The following OTULIN variants were observed in gnomAD, a reference collection of about 807,000 sequenced individuals.
OTULIN encodes the protein ubiquitin thioesterase otulin.
A neutral mutation model predicts 39.6 loss-of-function variants in OTULIN; 15 were observed. The observed-to-expected ratio is 0.38, with a 90% CI of 0.25 to 0.58. The LOEUF is 0.58. Ranked by LOEUF, OTULIN falls within the 20% of genes least tolerant of loss-of-function variation. The probability of loss-of-function intolerance (pLI) is 0.66; values close to 1 mark genes in which losing one functional copy is unlikely to be tolerated. For synonymous variants in OTULIN, 156 were observed against 170.3 expected (o/e 0.92, Z 0.65); for missense variants, 319 against 445.9 (o/e 0.72, Z 2.56).
the OTULIN span, chr5:14,711,018 C>T: frequency 1.1e-4 from 70 of 656,244 alleles, no homozygotes; most frequent in Admixed American, 2.9e-4. Flanking sequence ...TAGGTCCCCC[C>T]GTCAGTGTGA....
rs75049386 is a variant in OTULIN at position 14,675,659 on chromosome 5, G to A, written c.229+1941G>A. Among the ~76,000 whole-genome samples the A allele has an allele frequency of 4.4e-3, 677 of 152,280 alleles. 2 individuals carry two copies. Among genetic ancestry groups the A allele is most frequent in the Non-Finnish European group, 6.2e-3 (422 of 68,028 alleles). On this transcript the variant is annotated intron_variant, in intron 2 of 6. Coordinates refer to ENST00000284274, the MANE Select transcript of OTULIN (RefSeq NM_138348.6). ...TTCTGTCTGGCATTGTACCCCACAC[G>A]GGCAATCAAGCTTTATGGTGGGTCT... is the stretch of plus-strand genomic sequence containing the variant.
At chr5:14,701,902 G>T (rs142603438), downstream of OTULIN, among the ~76,000 whole-genome samples, 3,272 of 152,324 alleles carry the variant, frequency 0.021, 69 homozygotes, top group Non-Finnish European at 0.03. Context: ...CATCAGGCCA[G>T]GGTTTCTAGA....
chr5:14,716,189 G>T, the OTULIN span, among the ~76,000 whole-genome samples: 1 of 152,074 alleles, frequency 6.6e-6, no homozygotes, highest in African/African-American at 2.4e-5. Context: ...TACTGTTTTT[G>T]TAATCACTGC....
At chr5:14,710,147 T>G in the OTULIN span, 3 of 152,196 alleles carry the variant, frequency 2.0e-5, no homozygotes, top group Non-Finnish European at 4.4e-5. Flanking sequence ...CCGTAGTACA[T>G]TCTCAATTAC....
At position 14,687,596 on chromosome 5, in the gene OTULIN, G is replaced by A; in HGVS notation, c.544G>A (p.Glu182Lys). The A allele has an allele frequency of 1.2e-6, 2 of 1,614,126 alleles. No individual in the cohort carries two copies. Among genetic ancestry groups the A allele is most frequent in the Non-Finnish European group, 1.7e-6 (2 of 1,180,018 alleles). ...KLGLKFDGKN[E>K]DLVDKIKESL... is the part of the protein sequence containing the mutation. ...TGGACTGAAATTTGATGGGAAGAAT[G>A]AGGACCTGGTTGATAAAATTAAAGA... The change falls in exon 5 of 7, where the codon GAG becomes AAG. Residue 182 changes from glutamate (E) to lysine (K), a missense_variant. By Grantham distance (56) the Glu-to-Lys change is moderately conservative. Transcript: ENST00000284274.
chr5:14,668,633 G>A (rs1735908532), intron 1 of OTULIN, among the ~76,000 whole-genome samples: 1 of 152,078 alleles, frequency 6.6e-6, no homozygotes, highest in African/African-American at 2.4e-5. Context: ...GAACTGCAGG[G>A]TTCAAGTCCA....
At chr5:14,677,019 A>G (rs1050032813) in intron 2 of OTULIN, among the ~76,000 whole-genome samples, 2 of 152,176 alleles carry the variant, frequency 1.3e-5, no homozygotes, top group East Asian at 1.9e-4. Context: ...AAATATGTCT[A>G]TGTTATCTGT....
Position 14,699,622 on chromosome 5 carries a change from C to T in OTULIN, c.*6574C>T, listed in dbSNP as rs1330097569. On this transcript the variant is annotated 3_prime_UTR_variant, in exon 7 of 7. Coordinates refer to ENST00000284274, the MANE Select transcript of OTULIN (RefSeq NM_138348.6). ...GAATTTCCTTTTCCACCGCCTTTTCCCACTCAAGAAAGTGGAGAGAAAAAC... is the reference window on the plus strand; with the variant it reads ...GAATTTCCTTTTCCACCGCCTTTTCTCACTCAAGAAAGTGGAGAGAAAAAC... 6.6e-6 allele frequency: 1 copy of T among 152,218 alleles called. No individual in the cohort carries two copies. The highest frequency in any genetic ancestry group is 1.5e-5 in the Non-Finnish European group (1 of 68,068). 9.4% of individuals were successfully genotyped at this position (152,218 alleles called of 1,614,324 possible).
At position 14,677,743 on chromosome 5, in the gene OTULIN, TATC is replaced by T. The variant is rs373777214; in HGVS notation, c.230-937_230-935del. Among the ~76,000 whole-genome samples the T allele has an allele frequency of 5.9e-3, 893 of 152,352 alleles. 8 individuals carry two copies. Among genetic ancestry groups the T allele is most frequent in the African/African-American group, 0.02 (832 of 41,564 alleles). Reference sequence around the variant, plus strand: ...AGAGTTCTGTTAGTTTCTGGTTTATTATCGACCACTTTTAGGTTTTTGGGATCA... The same window carrying T: ...AGAGTTCTGTTAGTTTCTGGTTTATTGACCACTTTTAGGTTTTTGGGATCA... On this transcript the variant is annotated intron_variant, in intron 2 of 6. Transcript: ENST00000284274.
At chr5:14,714,076 A>C in the OTULIN span, among the ~76,000 whole-genome samples, 6 of 152,280 alleles carry the variant, frequency 3.9e-5, no homozygotes, top group Non-Finnish European at 5.9e-5. Flanking sequence ...AGCTGGCATC[A>C]GAAGCCATCT....
chr5:14,672,517 C>T (rs10475018), intron 1 of OTULIN, among the ~76,000 whole-genome samples: 3,720 of 152,092 alleles, frequency 0.024, 134 homozygotes, highest in African/African-American at 0.085. Context: ...TTTAGCCTGG[C>T]ACCTCCTCCT....
intron 6 of OTULIN, among the ~76,000 whole-genome samples, chr5:14,691,255 T>A (rs1736518825): frequency 6.6e-6 from 1 of 152,246 alleles, no homozygotes; most frequent in Non-Finnish European, 1.5e-5. Flanking sequence ...TTGACTCTTG[T>A]GCCTGCTTTT....
downstream of OTULIN, among the ~76,000 whole-genome samples, chr5:14,703,151 T>C (rs971534154): frequency 6.6e-6 from 1 of 152,058 alleles, no homozygotes; most frequent in African/African-American, 2.4e-5. Context: ...GACTCACAGC[T>C]CCTGATTTAT....
At chr5:14,714,427 G>A in the OTULIN span, among the ~76,000 whole-genome samples, 1 of 152,228 alleles carries the variant, frequency 6.6e-6, no homozygotes, top group Non-Finnish European at 1.5e-5. Flanking sequence ...TTGAGGACGC[G>A]CAGGGCAGGG....
intron 2 of OTULIN, 79 bp downstream of exon 2, chr5:14,673,797 C>A (rs1440301544): frequency 2.6e-6 from 3 of 1,156,734 alleles, no homozygotes; most frequent in African/African-American, 3.1e-5. Flanking sequence ...TAACCATTTT[C>A]ATAAAATATC....
chr5:14,704,329 C>CAAAAAAAAAA (rs1194771023), downstream of OTULIN, among the ~76,000 whole-genome samples: 28 of 65,518 alleles, frequency 4.3e-4, no homozygotes, highest in African/African-American at 1.9e-3. Context: ...GACTCCGTCT[C>CAAAAAAAAAA]AAAAAAAAAA....
intron 6 of OTULIN, among the ~76,000 whole-genome samples, chr5:14,691,431 A>G (rs1325500360): frequency 2.0e-5 from 3 of 152,156 alleles, no homozygotes; most frequent in Non-Finnish European, 4.4e-5. Flanking sequence ...AGGGCTGATG[A>G]TAGTTATTTT....
At chr5:14,688,471 G>C (rs1484690593) in intron 5 of OTULIN, among the ~76,000 whole-genome samples, 1 of 152,204 alleles carries the variant, frequency 6.6e-6, no homozygotes, top group African/African-American at 2.4e-5. Flanking sequence ...ACGAGAGACT[G>C]TCCTGTGCAT....
intron 3 of OTULIN, 73 bp from the exon 4 acceptor site, chr5:14,681,391 C>A: frequency 6.6e-7 from 1 of 1,513,744 alleles, no homozygotes; most frequent in Admixed American, 2.2e-5. Context: ...AAGCTTTTTC[C>A]ACAGGAATGA....
Sources: allele counts gnomAD v4.1 joint callset (sites outside exome capture counted in the v4.1 genomes callset), GRCh38; gene constraint gnomAD v4.1.1; transcripts MANE v1.5; gene names NCBI Gene and HGNC (gene_info 2026-07-23, HGNC 2026-07-21).